Variants in RYK observed in about 807,000 individuals in gnomAD.
RYK encodes receptor like tyrosine kinase.
A neutral mutation model predicts 70.2 loss-of-function variants in RYK; 21 were observed. That is an observed-to-expected ratio of 0.30 (90% confidence interval 0.21 to 0.43). RYK has a LOEUF of 0.43. Among genes scored for constraint, RYK ranks in the 20% least tolerant of loss-of-function variants. The pLI is 1.00. For synonymous variants in RYK, 267 were observed against 278.0 expected (o/e 0.96, Z 0.39); for missense variants, 604 against 753.3 (o/e 0.80, Z 2.32).
chr3:134,160,709 T>G (rs1208588989), intron 13 of RYK, among the ~76,000 whole-genome samples: 1 of 152,054 alleles, frequency 6.6e-6, no homozygotes, highest in African/African-American at 2.4e-5. Flanking sequence ...TACAAAATTA[T>G]CTGGGCATGG....
intron 2 of RYK, among the ~76,000 whole-genome samples, chr3:134,214,143 A>G (rs1257756314): frequency 6.6e-6 from 1 of 152,092 alleles, no homozygotes; most frequent in Non-Finnish European, 1.5e-5. Flanking sequence ...GCTACTTCTC[A>G]TGCCATCAAC....
chr3:134,175,756 T>C lies in RYK; in HGVS notation c.1428A>G (p.Thr476=), dbSNP rs1318000582. Reference sequence around the variant, plus strand: ...CATTGTCTGTGATCTTAACTTGAAGTGTGTCATCAATGCTGAAAAGTAAAG... The same window carrying C: ...CATTGTCTGTGATCTTAACTTGAAGCGTGTCATCAATGCTGAAAAGTAAAG... ...LAARNCVIDD[T]LQVKITDNAL... is the part of the protein sequence containing the mutation. The change falls in exon 13 of 15, where the codon ACA becomes ACG. Residue 476 remains threonine (T), a synonymous_variant. Transcript: ENST00000623711. 3 of 1,613,834 alleles carry C rather than the reference T, an allele frequency of 1.9e-6. No individual in the cohort carries two copies. The highest frequency in any genetic ancestry group is 2.2e-5 in the South Asian group (2 of 91,068).
intron 1 of RYK, among the ~76,000 whole-genome samples, chr3:134,224,175 C>T (rs2014816901): frequency 6.6e-6 from 1 of 151,970 alleles, no homozygotes; most frequent in African/African-American, 2.4e-5. Flanking sequence ...GATGTGGAGA[C>T]CGGTAGTGGC....
chr3:134,161,932 C>A (rs1218436888), intron 13 of RYK, among the ~76,000 whole-genome samples: 1 of 152,166 alleles, frequency 6.6e-6, no homozygotes, highest in African/African-American at 2.4e-5. Context: ...AGCTAGAAGT[C>A]CAAATCAATG....
At chr3:134,213,732 T>G (rs2014469576) in intron 2 of RYK, among the ~76,000 whole-genome samples, 1 of 152,148 alleles carries the variant, frequency 6.6e-6, no homozygotes, top group Non-Finnish European at 1.5e-5. Context: ...GGGTCGGCAC[T>G]CTTTAGGATC....
intron 8 of RYK, among the ~76,000 whole-genome samples, 160 bp from the exon 9 acceptor site, chr3:134,189,083 C>T (rs191094147): frequency 2.0e-3 from 301 of 152,166 alleles, no homozygotes; most frequent in African/African-American, 6.8e-3. Context: ...TTGGTTTTAA[C>T]GACTGTTAAA....
At chr3:134,196,521 C>G (rs2013815226) in intron 6 of RYK, among the ~76,000 whole-genome samples, 1 of 151,798 alleles carries the variant, frequency 6.6e-6, no homozygotes. Flanking sequence ...AGGCAGATCA[C>G]TTTAGTCCAG....
chr3:134,175,144 T>C (rs1242836001), intron 13 of RYK, among the ~76,000 whole-genome samples: 2 of 152,144 alleles, frequency 1.3e-5, no homozygotes, highest in Non-Finnish European at 2.9e-5. Flanking sequence ...AAGACCAGCC[T>C]GGCCAACATG....
At chr3:134,225,625 G>A (rs1037664135) in intron 1 of RYK, among the ~76,000 whole-genome samples, 6 of 152,146 alleles carry the variant, frequency 3.9e-5, no homozygotes, top group African/African-American at 9.7e-5. Context: ...AGGCTGAAAC[G>A]AGAGGATCCA....
intron 1 of RYK, among the ~76,000 whole-genome samples, chr3:134,241,102 G>A (rs933659960): frequency 1.3e-5 from 2 of 148,764 alleles, no homozygotes; most frequent in African/African-American, 5.0e-5. Flanking sequence ...AGGGTTGGTG[G>A]GGGAGGGAAA....
At chr3:134,164,466 A>C (rs141162288) in intron 13 of RYK, among the ~76,000 whole-genome samples, 1 of 152,154 alleles carries the variant, frequency 6.6e-6, no homozygotes, top group African/African-American at 2.4e-5. Flanking sequence ...GCTTTCTGTC[A>C]CTAGATAGTT....
chr3:134,170,471 G>C (rs533569572), intron 13 of RYK: 1 of 152,346 alleles, frequency 6.6e-6, no homozygotes, highest in African/African-American at 2.4e-5. Flanking sequence ...CCAGACTCAT[G>C]AACAATTCAG....
intron 1 of RYK, among the ~76,000 whole-genome samples, chr3:134,240,849 C>A (rs997922781): frequency 5.3e-5 from 8 of 152,206 alleles, no homozygotes; most frequent in African/African-American, 1.9e-4. Context: ...TCCTTGCCTG[C>A]AGCTTCTTGG....
At chr3:134,196,645 A>G (rs2013825130) in intron 6 of RYK, among the ~76,000 whole-genome samples, 1 of 151,298 alleles carries the variant, frequency 6.6e-6, no homozygotes, top group Non-Finnish European at 1.5e-5. Flanking sequence ...TATGTAATCT[A>G]TAACATTTAT....
chr3:134,198,783 T>A (rs185069340), intron 6 of RYK, among the ~76,000 whole-genome samples: 1 of 152,242 alleles, frequency 6.6e-6, no homozygotes, highest in Non-Finnish European at 1.5e-5. Context: ...CCTCTATTCA[T>A]TGGTTATTCA....
At chr3:134,213,996 G>A (rs1436904189) in intron 2 of RYK, among the ~76,000 whole-genome samples, 3 of 151,966 alleles carry the variant, frequency 2.0e-5, no homozygotes, top group Non-Finnish European at 4.4e-5. Flanking sequence ...TAGTAGAGAC[G>A]AGATTTCACC....
At chr3:134,229,531 AAATT>A (rs1160172329) in intron 1 of RYK, among the ~76,000 whole-genome samples, 1 of 152,174 alleles carries the variant, frequency 6.6e-6, no homozygotes, top group Non-Finnish European at 1.5e-5. Flanking sequence ...AAAATCATCA[AAATT>A]AAAAACTGAA....
chr3:134,192,428 T>C (rs930771464), intron 7 of RYK, among the ~76,000 whole-genome samples: 1 of 148,724 alleles, frequency 6.7e-6, no homozygotes, highest in Non-Finnish European at 1.5e-5. Flanking sequence ...AAAAGTTGTT[T>C]TGTTTGAACA....
intron 9 of RYK, among the ~76,000 whole-genome samples, chr3:134,184,694 C>T (rs943349340): frequency 1.3e-5 from 2 of 151,954 alleles, no homozygotes; most frequent in Admixed American, 6.6e-5. Flanking sequence ...GAGCCAAGGA[C>T]ATCAAGGTTG....
Sources: allele counts gnomAD v4.1 joint callset (sites outside exome capture counted in the v4.1 genomes callset), GRCh38; gene constraint gnomAD v4.1.1; transcripts MANE v1.5; gene names NCBI Gene and HGNC (gene_info 2026-07-23, HGNC 2026-07-21).